MTMR3: variants seen among roughly 807,000 people sequenced by gnomAD.
MTMR3 encodes the protein phosphatidylinositol-3,5-bisphosphate 3-phosphatase MTMR3.
Under a neutral mutation model 132.4 loss-of-function variants are expected in MTMR3, and 32 were observed. The observed-to-expected ratio is 0.24, with a 90% CI of 0.18 to 0.32. The LOEUF (loss-of-function observed/expected upper bound fraction) is 0.32, where lower values mean the gene tolerates loss of function less well. MTMR3 is among the 10% of genes least tolerant of loss of function. MTMR3 has a pLI of 1.00. For missense variants in MTMR3, 1,216 were observed against 1,489.6 expected (o/e 0.82, Z 3.02); for synonymous variants, 556 against 550.3 (o/e 1.01, Z -0.14).
chr22:29,910,257 C>G (rs991705426), intron 1 of MTMR3, among the ~76,000 whole-genome samples: 1 of 152,006 alleles, frequency 6.6e-6, no homozygotes, highest in Non-Finnish European at 1.5e-5. Context: ...AGTGTACATC[C>G]AAATCCAGTG....
chr22:30,023,431 C>A lies in MTMR3; in HGVS notation c.3425+734C>A, dbSNP rs761100836. ...CAGATATCTTTGGTTGGCTTCTCTT[C>A]TGAGCTCTTTCTCCCCTCCTTGCAG... On this transcript the variant is annotated intron_variant, in intron 19 of 19. Coordinates refer to ENST00000401950, the MANE Select transcript of MTMR3 (RefSeq NM_021090.4). 6.5e-5 allele frequency: 105 copies of A among 1,614,082 alleles called. 1 individual carries two copies. Among genetic ancestry groups the A allele is most frequent in the Non-Finnish European group, 8.4e-5 (99 of 1,180,016 alleles).
At chr22:29,961,966 C>T (rs1237739626) in intron 2 of MTMR3, among the ~76,000 whole-genome samples, 1 of 152,204 alleles carries the variant, frequency 6.6e-6, no homozygotes, top group African/African-American at 2.4e-5. Context: ...GAACAACAGG[C>T]TATACCATAT....
intron 1 of MTMR3, among the ~76,000 whole-genome samples, chr22:29,937,796 T>A (rs1018087404): frequency 6.6e-6 from 1 of 152,026 alleles, no homozygotes; most frequent in Non-Finnish European, 1.5e-5. Flanking sequence ...TACAAGAAGA[T>A]TTGAAGTAAT....
chr22:29,917,496 CAA>C (rs1358935442), intron 1 of MTMR3, among the ~76,000 whole-genome samples: 1 of 152,038 alleles, frequency 6.6e-6, no homozygotes, highest in African/African-American at 2.4e-5. Flanking sequence ...AACAAACAAA[CAA>C]AAAAATTGCA....
intron 1 of MTMR3, among the ~76,000 whole-genome samples, chr22:29,913,885 G>A (rs1298223084): frequency 6.6e-6 from 1 of 152,094 alleles, no homozygotes; most frequent in African/African-American, 2.4e-5. Flanking sequence ...CTGAGGAGCT[G>A]GGACTACAGG....
intron 3 of MTMR3, among the ~76,000 whole-genome samples, chr22:29,977,897 A>C (rs747429806): frequency 1.3e-5 from 2 of 152,210 alleles, no homozygotes; most frequent in Non-Finnish European, 2.9e-5. Flanking sequence ...CTGTTATCGC[A>C]GCACTTTGGG....
At chr22:29,893,717 A>G (rs2064840734) in intron 1 of MTMR3, among the ~76,000 whole-genome samples, 1 of 152,138 alleles carries the variant, frequency 6.6e-6, no homozygotes, top group African/African-American at 2.4e-5. Flanking sequence ...ATGAATGGAA[A>G]TATTAGTAGT....
At position 30,010,367 on chromosome 22, in the gene MTMR3, C is replaced by T. The variant is rs568852661; in HGVS notation, c.1121+1238C>T. On this transcript the variant is annotated intron_variant, in intron 12 of 19. Transcript: ENST00000401950. ...TCAAAAAAGATAGAATTAGCCCTCA[C>T]CTGGTCCACATAAATGTCTTGGGGA... 16 of 152,340 alleles carry T rather than the reference C, an allele frequency of 1.1e-4. No individual in the cohort carries two copies. The South Asian group carries it at 3.1e-3, about 30-fold the overall frequency. 9.4% of individuals were successfully genotyped at this position (152,340 alleles called of 1,614,324 possible). A position where few individuals can be genotyped will look rare whatever the true frequency, so the allele number is the denominator to read the frequency against.
intron 15 of MTMR3, 121 bp from the exon 16 acceptor site, chr22:30,017,806 G>T: frequency 8.0e-7 from 1 of 1,256,588 alleles, no homozygotes; most frequent in Non-Finnish European, 1.1e-6. Context: ...CTGCTTCTTT[G>T]TGGAGATCCT....
intron 1 of MTMR3, among the ~76,000 whole-genome samples, chr22:29,944,182 GT>G (rs1232901211): frequency 1.3e-5 from 2 of 151,812 alleles, no homozygotes; most frequent in Non-Finnish European, 2.9e-5. Context: ...TGAGAACAGT[GT>G]TTCGTGGTTC....
chr22:29,901,035 G>A (rs1160149354), intron 1 of MTMR3, among the ~76,000 whole-genome samples: 9 of 152,064 alleles, frequency 5.9e-5, no homozygotes, highest in Non-Finnish European at 8.8e-5. Flanking sequence ...GTGAAAATAC[G>A]TAAAGACTTT....
chr22:30,012,438 G>A lies in MTMR3; in HGVS notation c.1192G>A (p.Val398Ile), dbSNP rs201807961. The A allele has an allele frequency of 6.8e-6, 11 of 1,614,158 alleles. No homozygotes were observed. The highest frequency in any genetic ancestry group is 8.5e-6 in the Non-Finnish European group (10 of 1,180,030). ...LSVLLKSALL[V>I]VHAVDQDQRP... ...TGTGCTTCTGAAATCAGCGCTTCTG[G>A]TAGTGCATGCTGTGGATCAGGATCA... The change falls in exon 13 of 20, where the codon GTA becomes ATA. Residue 398 changes from valine (V) to isoleucine (I), a missense_variant. Physicochemically the swap from Val to Ile is conservative, Grantham distance 29 (BLOSUM62 3). Coordinates refer to ENST00000401950, the MANE Select transcript of MTMR3 (RefSeq NM_021090.4).
intron 1 of MTMR3, among the ~76,000 whole-genome samples, chr22:29,952,041 A>G (rs572352503): frequency 6.6e-6 from 1 of 152,142 alleles, no homozygotes; most frequent in African/African-American, 2.4e-5. Context: ...AGCATGTGCC[A>G]CCACGCCCAG....
chr22:29,894,448 G>A (rs987835241), intron 1 of MTMR3, among the ~76,000 whole-genome samples: 1 of 151,794 alleles, frequency 6.6e-6, no homozygotes, highest in Non-Finnish European at 1.5e-5. Context: ...AGAAAAATCA[G>A]TTTCTATGCA....
intron 2 of MTMR3, among the ~76,000 whole-genome samples, chr22:29,962,985 G>A (rs2066342673): frequency 6.6e-6 from 1 of 151,030 alleles, no homozygotes; most frequent in South Asian, 2.1e-4. Flanking sequence ...GAAGATCTGG[G>A]CTCACTGAAA....
rs189511308 is a variant in MTMR3 at position 29,886,099 on chromosome 22, T to G, written c.-138+2740T>G. ...CCGCATATTCTGTGCCCTCAGATAT[T>G]TTTTAATTAAGTGAATACTATTGAT... On this transcript the variant is annotated intron_variant, in intron 1 of 19. Transcript: ENST00000401950. 3.9e-5 allele frequency among the ~76,000 whole-genome samples: 6 copies of G among 152,336 alleles called. No homozygotes were observed. In the East Asian group the frequency reaches 1.2e-3, roughly 29 times the overall value.
chr22:30,001,517 C>T (rs1229318408), intron 8 of MTMR3: 1 of 152,242 alleles, frequency 6.6e-6, no homozygotes. Flanking sequence ...CGCTCCACTG[C>T]TCTCTAGCCC....
At chr22:29,934,604 A>G (rs937066356) in intron 1 of MTMR3, among the ~76,000 whole-genome samples, 1 of 152,172 alleles carries the variant, frequency 6.6e-6, no homozygotes, top group Non-Finnish European at 1.5e-5. Context: ...AGATTGTAAT[A>G]TTTGGAGACT....
intron 3 of MTMR3, among the ~76,000 whole-genome samples, chr22:29,971,714 T>C (rs1334686462): frequency 2.0e-5 from 3 of 152,036 alleles, no homozygotes; most frequent in African/African-American, 7.2e-5. Flanking sequence ...AGAAAGAGAA[T>C]TTAATGGACA....
Sources: allele counts gnomAD v4.1 joint callset (sites outside exome capture counted in the v4.1 genomes callset), GRCh38; gene constraint gnomAD v4.1.1; transcripts MANE v1.5; gene names NCBI Gene and HGNC (gene_info 2026-07-23, HGNC 2026-07-21).